MACROD2: variants seen among roughly 807,000 people sequenced by gnomAD.
MACROD2 encodes mono-ADP ribosylhydrolase 2.
MACROD2 carries 36 observed loss-of-function variants against 70.4 expected under a neutral mutation model. That is an observed-to-expected ratio of 0.51 (90% confidence interval 0.39 to 0.68). The LOEUF is 0.68. Among genes scored for constraint, MACROD2 ranks in the 30% least tolerant of loss-of-function variants. MACROD2 has a pLI of 0.00. For synonymous variants in MACROD2, 172 were observed against 178.8 expected (o/e 0.96, Z 0.30); for missense variants, 496 against 538.4 (o/e 0.92, Z 0.78).
intron 6 of MACROD2, among the ~76,000 whole-genome samples, chr20:15,305,021 GCA>G (rs2077683932): frequency 6.6e-6 from 1 of 152,112 alleles, no homozygotes. Flanking sequence ...CCTTGGGTTG[GCA>G]CAGTCTCTCA....
intron 3 of MACROD2, among the ~76,000 whole-genome samples, chr20:14,211,661 C>T (rs934082209): frequency 7.9e-5 from 12 of 152,236 alleles, no homozygotes; most frequent in Middle Eastern, 3.4e-3. Context: ...AAGTCACTGG[C>T]GAGATATTGG....
intron 12 of MACROD2, among the ~76,000 whole-genome samples, chr20:15,956,577 C>A (rs2065979670): frequency 6.6e-6 from 1 of 152,136 alleles, no homozygotes; most frequent in African/African-American, 2.4e-5. Context: ...GTCTTAGACA[C>A]AAAAACGAAA....
chr20:14,961,182 T>C (rs1458863576), intron 5 of MACROD2, among the ~76,000 whole-genome samples: 2 of 152,192 alleles, frequency 1.3e-5, no homozygotes, highest in Non-Finnish European at 2.9e-5. Flanking sequence ...TTAATAGCTC[T>C]GGCCATTTTG....
chr20:15,374,138 A>C (rs764543556), intron 6 of MACROD2, among the ~76,000 whole-genome samples: 29 of 152,180 alleles, frequency 1.9e-4, no homozygotes, highest in Middle Eastern at 6.8e-3. Context: ...ATCTTGCAAA[A>C]GCTTCAGAGG....
chr20:14,702,917 G>A (rs554277394), intron 5 of MACROD2, among the ~76,000 whole-genome samples: 4 of 151,130 alleles, frequency 2.6e-5, no homozygotes, highest in South Asian at 4.2e-4. Flanking sequence ...TAGTAGAGAC[G>A]GGATTTCACC....
At chr20:16,003,716 G>A (rs2066747302) in intron 15 of MACROD2, among the ~76,000 whole-genome samples, 1 of 152,098 alleles carries the variant, frequency 6.6e-6, no homozygotes, top group South Asian at 2.1e-4. Flanking sequence ...TGTCGCCCAG[G>A]CTGGAGTGCA....
intron 8 of MACROD2, among the ~76,000 whole-genome samples, chr20:15,725,167 A>G (rs911339682): frequency 2.0e-5 from 3 of 152,212 alleles, no homozygotes; most frequent in African/African-American, 7.2e-5. Context: ...TTTTGAATCT[A>G]TAGATCAAGT....
chr20:15,956,351 TAAC>T (rs945183828), intron 12 of MACROD2, among the ~76,000 whole-genome samples: 1 of 152,206 alleles, frequency 6.6e-6, no homozygotes, highest in Non-Finnish European at 1.5e-5. Context: ...TTCAGATTTT[TAAC>T]AGTAAGACCC....
chr20:15,447,755 A>T (rs1343687453), intron 7 of MACROD2, among the ~76,000 whole-genome samples: 3 of 152,154 alleles, frequency 2.0e-5, no homozygotes, highest in Admixed American at 2.0e-4. Context: ...TGCTTAGGAC[A>T]CTGGAAACAT....
intron 6 of MACROD2, among the ~76,000 whole-genome samples, chr20:15,312,288 A>G (rs960142774): frequency 1.3e-5 from 2 of 152,220 alleles, no homozygotes; most frequent in Non-Finnish European, 2.9e-5. Context: ...AATTGGTGTT[A>G]ATTTGTTAAG....
chr20:15,457,591 C>T (rs2046745663), intron 7 of MACROD2, among the ~76,000 whole-genome samples: 1 of 152,140 alleles, frequency 6.6e-6, no homozygotes, highest in Non-Finnish European at 1.5e-5. Context: ...ATGATGACTG[C>T]AAGCCAGAAT....
intron 3 of MACROD2, among the ~76,000 whole-genome samples, chr20:14,424,128 A>C (rs536752603): frequency 2.3e-4 from 35 of 152,288 alleles, no homozygotes; most frequent in Middle Eastern, 3.4e-3. Context: ...TGCCCTGCAA[A>C]GTAATTATAC....
intron 5 of MACROD2, among the ~76,000 whole-genome samples, chr20:14,716,713 C>A (rs1208052233): frequency 6.6e-6 from 1 of 152,058 alleles, no homozygotes; most frequent in Non-Finnish European, 1.5e-5. Flanking sequence ...GATGGCTTAA[C>A]ACGTGAAGTG....
intron 8 of MACROD2, among the ~76,000 whole-genome samples, chr20:15,804,618 C>G (rs2063753133): frequency 1.3e-5 from 2 of 152,186 alleles, no homozygotes; most frequent in Admixed American, 1.3e-4. Flanking sequence ...AAGCACACAG[C>G]TGAGAGTTTA....
chr20:14,366,379 T>C (rs1382840970), intron 3 of MACROD2, among the ~76,000 whole-genome samples: 2 of 151,026 alleles, frequency 1.3e-5, no homozygotes, highest in East Asian at 3.9e-4. Context: ...AACTTTTTTT[T>C]TTTTTTTGAG....
chr20:15,897,364 A>G (rs1304654363), intron 10 of MACROD2, among the ~76,000 whole-genome samples: 1 of 152,104 alleles, frequency 6.6e-6, no homozygotes, highest in Admixed American at 6.6e-5. Flanking sequence ...TAGTATCACT[A>G]TGATGTGCCT....
At chr20:15,899,906 A>G (rs538017361) in intron 10 of MACROD2, among the ~76,000 whole-genome samples, 1 of 152,182 alleles carries the variant, frequency 6.6e-6, no homozygotes, top group East Asian at 1.9e-4. Context: ...GATAATATTA[A>G]AGTTATTATT....
intron 4 of MACROD2, among the ~76,000 whole-genome samples, chr20:14,584,061 C>G (rs79039636): frequency 2.6e-4 from 39 of 152,266 alleles, no homozygotes; most frequent in Non-Finnish European, 4.6e-4. Flanking sequence ...TTAGTTCACT[C>G]ACCTTTTAAC....
chr20:15,020,818 A>G (rs924202678), intron 5 of MACROD2, among the ~76,000 whole-genome samples: 1 of 151,962 alleles, frequency 6.6e-6, no homozygotes, highest in Non-Finnish European at 1.5e-5. Flanking sequence ...TAATCTTATA[A>G]GACACCATTG....
Sources: allele counts gnomAD v4.1 joint callset (sites outside exome capture counted in the v4.1 genomes callset), GRCh38; gene constraint gnomAD v4.1.1; transcripts MANE v1.5; gene names NCBI Gene and HGNC (gene_info 2026-07-23, HGNC 2026-07-21).